Variants in SHLD1 observed in about 807,000 individuals in gnomAD.
SHLD1 encodes shieldin complex subunit 1, also known as RINN1-REV7-interacting novel NHEJ regulator 3.
In SHLD1, 3 loss-of-function variants were observed where a neutral mutation model predicts 5.5. The observed-to-expected ratio is 0.54, with a 90% CI of 0.25 to 1.40. The LOEUF (loss-of-function observed/expected upper bound fraction) is 1.40. Among genes scored for constraint, SHLD1 ranks in the 40% most tolerant of loss-of-function variants. The pLI, the probability that SHLD1 is intolerant of heterozygous loss-of-function variation, is 0.15. For missense variants in SHLD1, 210 were observed against 244.4 expected (o/e 0.86, Z 0.94); for synonymous variants, 92 against 94.3 (o/e 0.98, Z 0.14).
chr20:5,834,243 T>A (rs1265248281), intron 2 of SHLD1, among the ~76,000 whole-genome samples: 1 of 152,172 alleles, frequency 6.6e-6, no homozygotes, highest in Non-Finnish European at 1.5e-5. Context: ...TATGGAAGAG[T>A]CTTCCTGCCT....
At chr20:5,813,057 G>A (rs2087480917) in intron 2 of SHLD1, among the ~76,000 whole-genome samples, 2 of 151,748 alleles carry the variant, frequency 1.3e-5, no homozygotes, top group Non-Finnish European at 2.9e-5. Context: ...TCTATTTTTA[G>A]TAGAGGTGGG....
Position 5,794,626 on chromosome 20 carries a change from C to T in SHLD1, c.178+21583C>T, listed in dbSNP as rs547010302. ...GTCATGTATATTTGTCAACAGATGC[C>T]TTCTTATTTGCAAAGTGCTTTGATT... On this transcript the variant is annotated intron_variant, in intron 2 of 2. Coordinates refer to ENST00000303142, the MANE Select transcript of SHLD1 (RefSeq NM_152504.4). Among the ~76,000 whole-genome samples the T allele has an allele frequency of 2.6e-5, 4 of 152,104 alleles. No individual in the cohort carries two copies. In the East Asian group the frequency reaches 5.8e-4, roughly 22 times the overall value.
At chr20:5,801,968 G>A (rs1165856525) in intron 2 of SHLD1, among the ~76,000 whole-genome samples, 3 of 151,914 alleles carry the variant, frequency 2.0e-5, no homozygotes, top group Non-Finnish European at 4.4e-5. Flanking sequence ...GTTCTCAGTG[G>A]GTACTCATTG....
intron 1 of SHLD1, among the ~76,000 whole-genome samples, chr20:5,762,432 A>T (rs1423961884): frequency 6.6e-6 from 1 of 152,124 alleles, no homozygotes; most frequent in Non-Finnish European, 1.5e-5. Context: ...GGATCTGGGA[A>T]TCCAGCCATA....
chr20:5,782,309 C>T lies in SHLD1; in HGVS notation c.178+9266C>T, dbSNP rs1373782002. Among the ~76,000 whole-genome samples, 3 of 151,958 alleles carry T rather than the reference C, an allele frequency of 2.0e-5. No individual in the cohort carries two copies. In the East Asian group the frequency reaches 5.8e-4, roughly 29 times the overall value. On this transcript the variant is annotated intron_variant, in intron 2 of 2. Coordinates refer to ENST00000303142, the MANE Select transcript of SHLD1 (RefSeq NM_152504.4). ...TCAAAAGCAAGATCACAAAGGTCAC[C>T]CGAAGGCCCAGTCCCACATGTACTG...
In SHLD1 at chr20:5,750,412, G is replaced by C. The variant is rs1016715355; in HGVS notation, c.-72G>C. The C allele has an allele frequency of 6.6e-6, 1 of 151,306 alleles. No homozygotes were observed. The allele number at this position is 151,306 out of a possible 1,614,324, so 9.4% of individuals were successfully genotyped here. On this transcript the variant is annotated 5_prime_UTR_variant, in exon 1 of 3. Coordinates refer to ENST00000303142, the MANE Select transcript of SHLD1 (RefSeq NM_152504.4). ...GCCATTGCTTCCGCGTTCCGGTTGC[G>C]GATGGTGAGTGTGTCGGGGGGCTTG...
chr20:5,815,540 A>G (rs1315018751), intron 2 of SHLD1, among the ~76,000 whole-genome samples: 2 of 152,212 alleles, frequency 1.3e-5, no homozygotes. Flanking sequence ...CCTGCAAGCT[A>G]ATAATGACTT....
At chr20:5,817,070 A>G (rs912274480) in intron 2 of SHLD1, among the ~76,000 whole-genome samples, 12 of 152,206 alleles carry the variant, frequency 7.9e-5, no homozygotes, top group Non-Finnish European at 1.5e-4. Flanking sequence ...CCCTATCTCA[A>G]TAAATAAATA....
chr20:5,839,421 A>T (rs1042424188), intron 2 of SHLD1, among the ~76,000 whole-genome samples: 2 of 152,260 alleles, frequency 1.3e-5, no homozygotes, highest in East Asian at 1.9e-4. Flanking sequence ...TTTTATTCTT[A>T]TATCTGGGTC....
At chr20:5,750,635 G>A (rs1213133220) in intron 1 of SHLD1, among the ~76,000 whole-genome samples, 156 bp downstream of exon 1, 1 of 152,052 alleles carries the variant, frequency 6.6e-6, no homozygotes, top group Admixed American at 6.6e-5. Flanking sequence ...CCCAACACAC[G>A]GTGTCTGCAG....
chr20:5,758,926 T>A (rs1984293539), intron 1 of SHLD1, among the ~76,000 whole-genome samples: 1 of 151,618 alleles, frequency 6.6e-6, no homozygotes, highest in Non-Finnish European at 1.5e-5. Context: ...ATGTGTTTTT[T>A]TTTTTTTCTC....
intron 2 of SHLD1, among the ~76,000 whole-genome samples, chr20:5,841,592 C>G (rs1046078711): frequency 2.0e-5 from 3 of 152,034 alleles, no homozygotes; most frequent in African/African-American, 7.2e-5. Flanking sequence ...TATGGAGAAC[C>G]TTAGATAACA....
At chr20:5,834,932 G>A (rs1251688757) in intron 2 of SHLD1, among the ~76,000 whole-genome samples, 2 of 152,122 alleles carry the variant, frequency 1.3e-5, no homozygotes, top group Admixed American at 6.5e-5. Flanking sequence ...CCATTCATGA[G>A]GACTCCTCCT....
chr20:5,827,705 A>G (rs748257225), intron 2 of SHLD1, among the ~76,000 whole-genome samples: 2 of 152,172 alleles, frequency 1.3e-5, no homozygotes, highest in Non-Finnish European at 2.9e-5. Flanking sequence ...GCCTGGAGAA[A>G]TGCTATATAG....
intron 2 of SHLD1, among the ~76,000 whole-genome samples, chr20:5,781,849 T>A (rs2086993446): frequency 6.6e-6 from 1 of 152,208 alleles, no homozygotes; most frequent in Admixed American, 6.5e-5. Flanking sequence ...GGACTCTGTG[T>A]AATCTGCTGC....
At chr20:5,834,853 G>T (rs1236704879) in intron 2 of SHLD1, among the ~76,000 whole-genome samples, 1 of 152,178 alleles carries the variant, frequency 6.6e-6, no homozygotes, top group African/African-American at 2.4e-5. Flanking sequence ...TTCACAGAGG[G>T]CACCTTCTAG....
intron 2 of SHLD1, among the ~76,000 whole-genome samples, chr20:5,786,357 G>A (rs751135284): frequency 5.9e-5 from 9 of 152,180 alleles, no homozygotes; most frequent in East Asian, 3.9e-4. Context: ...CGGGAGGTTC[G>A]CTTGAAGCCA....
chr20:5,763,962 A>G (rs932778074), intron 1 of SHLD1, among the ~76,000 whole-genome samples: 7 of 146,216 alleles, frequency 4.8e-5, no homozygotes, highest in Non-Finnish European at 7.5e-5. Context: ...AAAAAAAAAA[A>G]AAAAAAATAG....
At chr20:5,803,943 T>C (rs1457617024) in intron 2 of SHLD1, among the ~76,000 whole-genome samples, 1 of 151,400 alleles carries the variant, frequency 6.6e-6, no homozygotes, top group Non-Finnish European at 1.5e-5. Flanking sequence ...GGACTTGCTA[T>C]TTGGAGGTTG....
Sources: gnomAD v4.1 joint callset for allele counts (sites outside exome capture counted in the v4.1 genomes callset) on GRCh38, gnomAD v4.1.1 for gene constraint, MANE v1.5 for transcripts, NCBI Gene and HGNC (gene_info 2026-07-23, HGNC 2026-07-21) for gene names.